RBM27: variants seen among roughly 807,000 people sequenced by gnomAD.
RBM27 encodes RNA-binding protein 27.
Under a neutral mutation model 135.3 loss-of-function variants are expected in RBM27, and 22 were observed. That is an observed-to-expected ratio of 0.16 (90% confidence interval 0.12 to 0.23). The LOEUF (loss-of-function observed/expected upper bound fraction) is 0.23. Ranked by LOEUF, RBM27 falls within the 10% of genes least tolerant of loss-of-function variation. The probability of loss-of-function intolerance (pLI) is 1.00; values close to 1 mark genes in which losing one functional copy is unlikely to be tolerated. For missense variants in RBM27, 1,009 were observed against 1,281.0 expected (o/e 0.79, Z 3.24); for synonymous variants, 481 against 442.4 (o/e 1.09, Z -1.10).
chr5:146,212,321 T>C (rs1755998748), intron 1 of RBM27, among the ~76,000 whole-genome samples: 1 of 151,466 alleles, frequency 6.6e-6, no homozygotes, highest in South Asian at 2.1e-4. Context: ...CCCAAAGTGC[T>C]GGGATTACAG....
chr5:146,285,754 G>GAGA (rs1472602781), intron 20 of RBM27, among the ~76,000 whole-genome samples, 193 bp from the exon 21 acceptor site: 1 of 150,946 alleles, frequency 6.6e-6, no homozygotes, highest in South Asian at 2.1e-4. Flanking sequence ...ATTAGCAGGG[G>GAGA]AGAAGAATTC....
chr5:146,262,749 A>G (rs1461207702), intron 13 of RBM27, among the ~76,000 whole-genome samples: 1 of 152,204 alleles, frequency 6.6e-6, no homozygotes. Flanking sequence ...AGTTCATACT[A>G]TCACCTTCAT....
At chr5:146,218,754 T>C (rs1756320488) in intron 1 of RBM27, among the ~76,000 whole-genome samples, 1 of 152,194 alleles carries the variant, frequency 6.6e-6, no homozygotes, top group Non-Finnish European at 1.5e-5. Flanking sequence ...ATCCTTGATA[T>C]ATTTAGAACC....
intron 8 of RBM27, among the ~76,000 whole-genome samples, chr5:146,249,057 A>C (rs982210480): frequency 1.3e-5 from 2 of 152,214 alleles, no homozygotes; most frequent in South Asian, 2.1e-4. Flanking sequence ...ATCGTGGCTC[A>C]CTGCAGCTTT....
At chr5:146,223,616 T>C in intron 3 of RBM27, 89 bp downstream of exon 3, 1 of 1,407,550 alleles carries the variant, frequency 7.1e-7, no homozygotes. Flanking sequence ...TTAAAAGTAA[T>C]TGTGTATTGA....
At chr5:146,264,674 A>G (rs1758542281) in intron 14 of RBM27, among the ~76,000 whole-genome samples, 1 of 143,296 alleles carries the variant, frequency 7.0e-6, no homozygotes, top group Non-Finnish European at 1.5e-5. Flanking sequence ...AAAAAAAAAA[A>G]AGGGAAAGCA....
intron 13 of RBM27, among the ~76,000 whole-genome samples, chr5:146,262,627 C>A (rs557074445): frequency 5.4e-4 from 83 of 152,322 alleles, no homozygotes; most frequent in Middle Eastern, 3.4e-3. Context: ...CTCCATTTAT[C>A]ATCCTGCTCA....
At chr5:146,219,874 T>A (rs992742582) in intron 2 of RBM27, among the ~76,000 whole-genome samples, 1 of 152,252 alleles carries the variant, frequency 6.6e-6, no homozygotes, top group African/African-American at 2.4e-5. Flanking sequence ...TTTTTCTTTT[T>A]TATTTATTTA....
At chr5:146,258,187 C>G (rs1758205908) in intron 10 of RBM27, among the ~76,000 whole-genome samples, 3 of 152,174 alleles carry the variant, frequency 2.0e-5, no homozygotes, top group Admixed American at 2.0e-4. Context: ...TGTTTTCCAG[C>G]AACCTTTCAC....
intron 13 of RBM27, among the ~76,000 whole-genome samples, chr5:146,262,890 C>CT (rs1156565843): frequency 0.024 from 3,327 of 140,444 alleles, 111 homozygotes; most frequent in African/African-American, 0.069. Flanking sequence ...TTCTTTTTTC[C>CT]TTTTTTTTTT....
intron 19 of RBM27, among the ~76,000 whole-genome samples, chr5:146,276,427 T>C (rs1759095839): frequency 6.6e-6 from 1 of 152,162 alleles, no homozygotes; most frequent in Non-Finnish European, 1.5e-5. Context: ...ATAATTTTTA[T>C]GTTCTTACTG....
At position 146,233,644 on chromosome 5, in the gene RBM27, C is replaced by G. The variant is rs961859660; in HGVS notation, c.1045C>G (p.Pro349Ala). The G allele has an allele frequency of 6.4e-7, 1 of 1,573,738 alleles. No homozygotes were observed. Among genetic ancestry groups the G allele is most frequent in the Non-Finnish European group, 8.6e-7 (1 of 1,168,108 alleles). ...PGPGPGPGPG[P>A]GPGPGPGPGH... Reference sequence around the variant, plus strand: ...CCCAGGCCCGGGCCCAGGTCCAGGCCCAGGCCCGGGCCCAGGTCCAGGTCC... The same window carrying G: ...CCCAGGCCCGGGCCCAGGTCCAGGCGCAGGCCCGGGCCCAGGTCCAGGTCC... Residue 349 changes from proline to alanine, a missense_variant, in exon 7 of 21, where the codon CCA becomes GCA. Physicochemically the swap from Pro to Ala is conservative, Grantham distance 27. Coordinates refer to ENST00000265271, the MANE Select transcript of RBM27 (RefSeq NM_018989.2).
Position 146,242,960 on chromosome 5 carries a change from C to A in RBM27, c.1279+5528C>A, listed in dbSNP as rs1757469686. On this transcript the variant is annotated intron_variant, in intron 8 of 20. Coordinates refer to ENST00000265271, the MANE Select transcript of RBM27 (RefSeq NM_018989.2). Reference sequence around the variant, plus strand: ...AATAAGTTTTTAATATTTTTCTATTCAGTTGATTTTAAGATAGCTTTTGGG... The same window carrying A: ...AATAAGTTTTTAATATTTTTCTATTAAGTTGATTTTAAGATAGCTTTTGGG... Among the ~76,000 whole-genome samples, 4 of 151,954 alleles carry A rather than the reference C, an allele frequency of 2.6e-5. No homozygotes were observed. In the South Asian group the frequency reaches 8.3e-4, roughly 32 times the overall value.
At chr5:146,268,610 T>C (rs1299844354) in intron 15 of RBM27, among the ~76,000 whole-genome samples, 1 of 152,108 alleles carries the variant, frequency 6.6e-6, no homozygotes, top group African/African-American at 2.4e-5. Flanking sequence ...TTGAGACAAG[T>C]TCTCACTCTG....
intron 11 of RBM27, 122 bp downstream of exon 11, chr5:146,258,715 C>A: frequency 2.5e-6 from 2 of 811,678 alleles, no homozygotes; most frequent in Non-Finnish European, 3.5e-6. Flanking sequence ...AGTTAGGGTT[C>A]CAGGAGACAT....
intron 9 of RBM27, among the ~76,000 whole-genome samples, chr5:146,254,431 A>ATT (rs66791963): frequency 6.9e-6 from 1 of 145,656 alleles, no homozygotes; most frequent in African/African-American, 2.5e-5. Flanking sequence ...TAATAGGAGC[A>ATT]TTTTTTTTTT....
chr5:146,219,334 T>C (rs540769688), intron 2 of RBM27, among the ~76,000 whole-genome samples: 2 of 152,344 alleles, frequency 1.3e-5, no homozygotes, highest in South Asian at 4.1e-4. Context: ...TCTAATGCTT[T>C]TTAGATGATT....
chr5:146,212,154 C>G (rs1323353944), intron 1 of RBM27, among the ~76,000 whole-genome samples: 1 of 151,696 alleles, frequency 6.6e-6, no homozygotes, highest in African/African-American at 2.4e-5. Flanking sequence ...CTCCCGGGTT[C>G]AAGTGATTCT....
intron 8 of RBM27, among the ~76,000 whole-genome samples, chr5:146,241,038 G>A (rs1295260428): frequency 2.0e-5 from 3 of 151,864 alleles, no homozygotes; most frequent in Admixed American, 6.6e-5. Flanking sequence ...TCTTAATATT[G>A]TTTGCCTTTT....
Sources: allele counts gnomAD v4.1 joint callset (sites outside exome capture counted in the v4.1 genomes callset), GRCh38; gene constraint gnomAD v4.1.1; transcripts MANE v1.5; gene names NCBI Gene and HGNC (gene_info 2026-07-23, HGNC 2026-07-21).